Variants in OTULIN observed in about 807,000 individuals in gnomAD.
The protein encoded by OTULIN is OTU deubiquitinase with linear linkage specificity, also known as ubiquitin thioesterase otulin.
Under a neutral mutation model 39.6 loss-of-function variants are expected in OTULIN, and 15 were observed. That is an observed-to-expected ratio of 0.38 (90% CI 0.25 to 0.58). The LOEUF (loss-of-function observed/expected upper bound fraction) is 0.58, where lower values mean the gene tolerates loss of function less well. OTULIN is among the 20% of genes least tolerant of loss of function. OTULIN has a pLI of 0.66. For synonymous variants in OTULIN, 156 were observed against 170.3 expected, an observed-to-expected ratio of 0.92 and a Z score of 0.65; for missense variants, 319 against 445.9, an observed-to-expected ratio of 0.72 and a Z score of 2.56.
chr5:14,668,602 A>G (rs931566389), intron 1 of OTULIN, among the ~76,000 whole-genome samples: 27 of 152,238 alleles, frequency 1.8e-4, no homozygotes, highest in African/African-American at 4.8e-5. Context: ...TTAGTCTCAT[A>G]GGAGAGGCTA....
At chr5:14,703,324 CAAAAAAAAAAAAAAAAAAAAAAAAAA>C (rs59779015), downstream of OTULIN, among the ~76,000 whole-genome samples, 3 of 122,118 alleles carry the variant, frequency 2.5e-5, no homozygotes, top group East Asian at 2.5e-4. Context: ...TTAATAGTGT[CAAAAAAAAAAAAAAAAAAAAAAAAAA>C]AAAAAAAAAA....
At chr5:14,665,143 G>C (rs149274170) in intron 1 of OTULIN, among the ~76,000 whole-genome samples, 166 bp downstream of exon 1, 517 of 152,288 alleles carry the variant, frequency 3.4e-3, no homozygotes, top group African/African-American at 0.012. Context: ...CCCAGTGTCC[G>C]AGTGCAGATT....
At chr5:14,701,528 C>T (rs145784138), downstream of OTULIN, among the ~76,000 whole-genome samples, 33 of 152,324 alleles carry the variant, frequency 2.2e-4, no homozygotes, top group South Asian at 6.6e-3. Context: ...CCATTTCAAG[C>T]TTTGAGTATT....
rs748966024 is a variant in OTULIN at position 14,690,263 on chromosome 5, G to C, written c.819G>C (p.Leu273=). The C allele has an allele frequency of 2.5e-6, 4 of 1,614,182 alleles. No individual in the cohort carries two copies. In the Admixed American group the frequency reaches 6.7e-5, roughly 27 times the overall value. Residue 273 remains leucine (L), a synonymous_variant, in exon 6 of 7, where the codon CTG becomes CTC. Coordinates refer to ENST00000284274, the MANE Select transcript of OTULIN (RefSeq NM_138348.6). The surrounding 1 kb of genome is among the most constrained non-coding windows in gnomAD (Gnocchi z 4.5). ...RDTSNDPGQL[L]RNHLNQVGHT... The stretch of plus-strand genomic sequence containing the variant: ...CATCAAATGACCCAGGACAGCTTCT[G>C]AGGAACCACCTCAACCAGGTGGGAC...
At chr5:14,670,519 C>T (rs1220641491) in intron 1 of OTULIN, among the ~76,000 whole-genome samples, 3 of 152,158 alleles carry the variant, frequency 2.0e-5, no homozygotes, top group Non-Finnish European at 2.9e-5. Context: ...ATTCTGCCTG[C>T]GAAATGTCCT....
chr5:14,678,044 G>A lies in OTULIN; in HGVS notation c.230-637G>A, dbSNP rs147357830. Among the ~76,000 whole-genome samples, 416 of 152,332 alleles carry A rather than the reference G, an allele frequency of 2.7e-3. 3 individuals are homozygous for A. The highest frequency in any genetic ancestry group is 3.2e-3 in the Non-Finnish European group (220 of 68,028). On this transcript the variant is annotated intron_variant, in intron 2 of 6. Coordinates refer to ENST00000284274, the MANE Select transcript of OTULIN (RefSeq NM_138348.6). ...TGTTTTACTGTATTTTTGTATGGGT[G>A]TGTGTGGGGGGTGGTGGGTGAGTGG...
At chr5:14,701,877 G>A (rs1330708468), downstream of OTULIN, among the ~76,000 whole-genome samples, 2 of 152,348 alleles carry the variant, frequency 1.3e-5, no homozygotes, top group Admixed American at 6.5e-5. Flanking sequence ...GACCTGCCGG[G>A]CAAAGCAGGG....
At chr5:14,711,947 C>T in the OTULIN span, among the ~76,000 whole-genome samples, 336 of 152,364 alleles carry the variant, frequency 2.2e-3, 3 homozygotes, top group Non-Finnish European at 4.1e-3. Context: ...CTCTGTCTGC[C>T]AACCCCGCTG....
At chr5:14,712,251 G>A in the OTULIN span, among the ~76,000 whole-genome samples, 1 of 152,214 alleles carries the variant, frequency 6.6e-6, no homozygotes, top group Non-Finnish European at 1.5e-5. Flanking sequence ...TGGCCTGGCC[G>A]TCACTCTGCT....
intron 1 of OTULIN, among the ~76,000 whole-genome samples, chr5:14,671,692 A>G (rs1401508231): frequency 6.6e-6 from 1 of 152,208 alleles, no homozygotes; most frequent in Non-Finnish European, 1.5e-5. Context: ...AAGCACATGG[A>G]AAGTACCTTT....
the OTULIN span, chr5:14,713,744 C>G: frequency 1.2e-6 from 2 of 1,603,942 alleles, no homozygotes; most frequent in Non-Finnish European, 1.7e-6. This position sits in a 1 kb window ranked among gnomAD's most constrained non-coding sequence, Gnocchi z 4.4. Context: ...ACCAGGGCAG[C>G]ACATCCGAGA....
In OTULIN at chr5:14,694,648, T is replaced by C. The variant is rs1372565224; in HGVS notation, c.*1600T>C. On this transcript the variant is annotated 3_prime_UTR_variant, in exon 7 of 7. Coordinates refer to ENST00000284274, the MANE Select transcript of OTULIN (RefSeq NM_138348.6). ...CACAAAACTATTCAGACTGTTACTT[T>C]AGCTTTCTCCCATTACCTCATCAGT... The C allele has an allele frequency of 1.3e-5, 2 of 152,682 alleles. No individual in the cohort carries two copies. The highest frequency in any genetic ancestry group is 2.9e-5 in the Non-Finnish European group (2 of 68,040). 9.5% of individuals were successfully genotyped at this position (152,682 alleles called of 1,614,324 possible).
rs1029983780 is a variant in OTULIN, at chr5:14,697,806, A to G, written c.*4758A>G. 6.6e-6 allele frequency: 1 copy of G among 152,164 alleles called. No individual in the cohort carries two copies. Among genetic ancestry groups the G allele is most frequent in the Non-Finnish European group, 1.5e-5 (1 of 68,046 alleles). 9.4% of individuals were successfully genotyped at this position (152,164 alleles called of 1,614,324 possible). A position where few individuals can be genotyped will look rare whatever the true frequency, so the allele number is the denominator to read the frequency against. ...AAACTGCCAAAACATCGATCAGTAC[A>G]AGGAAGGGACACAGGGCTTAAAATG... On this transcript the variant is annotated 3_prime_UTR_variant, in exon 7 of 7. Coordinates refer to ENST00000284274, the MANE Select transcript of OTULIN (RefSeq NM_138348.6).
rs1370141343 is a variant in OTULIN, at chr5:14,697,678, G to A, written c.*4630G>A. On this transcript the variant is annotated 3_prime_UTR_variant, in exon 7 of 7. Transcript: ENST00000284274. Reference sequence around the variant, plus strand: ...ATGGCCACCAGTTTGTTTAAGCATTGTGAATGCTTTTTAATAGCATTCATT... The same window carrying A: ...ATGGCCACCAGTTTGTTTAAGCATTATGAATGCTTTTTAATAGCATTCATT... 1.3e-5 allele frequency: 2 copies of A among 152,144 alleles called. No homozygotes were observed. The highest frequency in any genetic ancestry group is 2.4e-5 in the African/African-American group (1 of 41,422). 9.4% of individuals were successfully genotyped at this position (152,144 alleles called of 1,614,324 possible).
chr5:14,693,153 A>T lies in OTULIN; in HGVS notation c.*105A>T, dbSNP rs1561003656. On this transcript the variant is annotated 3_prime_UTR_variant, in exon 7 of 7. Transcript: ENST00000284274. ...TCTCTAAGAACAATCTCTGAGAAGA[A>T]CCCTTGGGCCCCTGGGAGCCAAGTT... is the stretch of plus-strand genomic sequence containing the variant. 3.3e-5 allele frequency: 38 copies of T among 1,152,538 alleles called. No homozygotes were observed. The highest frequency in any genetic ancestry group is 4.8e-6 in the Non-Finnish European group (4 of 828,794). The allele number at this position is 1,152,538 out of a possible 1,614,324, so 71.4% of individuals were successfully genotyped here. A position where few individuals can be genotyped will look rare whatever the true frequency, so the allele number is the denominator to read the frequency against.
the OTULIN span, chr5:14,710,302 G>C: frequency 6.6e-6 from 1 of 152,360 alleles, no homozygotes; most frequent in South Asian, 2.1e-4. Context: ...AAGTTAGGAT[G>C]CTCCATGTGA....
At chr5:14,673,603 A>C in intron 1 of OTULIN, 39 bp from the exon 2 acceptor site, 4 of 1,594,012 alleles carry the variant, frequency 2.5e-6, no homozygotes, top group Non-Finnish European at 3.4e-6. Context: ...ATGTCAGTGC[A>C]ACAAGTGTTT....
At chr5:14,673,550 A>G (rs1429749495) in intron 1 of OTULIN, 92 bp from the exon 2 acceptor site, 1 of 1,001,502 alleles carries the variant, frequency 1.0e-6, no homozygotes, top group African/African-American at 1.6e-5. Flanking sequence ...TTAAACCCTT[A>G]GTATATTATG....
rs760782191 is a variant in OTULIN at position 14,696,707 on chromosome 5, G to A, written c.*3659G>A. The A allele has an allele frequency of 3.3e-5, 5 of 151,938 alleles. No individual in the cohort carries two copies. Among genetic ancestry groups the A allele is most frequent in the South Asian group, 2.1e-4 (1 of 4,824 alleles). 9.4% of individuals were successfully genotyped at this position (151,938 alleles called of 1,614,324 possible). On this transcript the variant is annotated 3_prime_UTR_variant, in exon 7 of 7. Coordinates refer to ENST00000284274, the MANE Select transcript of OTULIN (RefSeq NM_138348.6). ...AATCTGAATGAATGGAAGGCCTTAC[G>A]TGTATACAGTTTACAAATTCCTATT...
Sources: allele counts gnomAD v4.1 joint callset (sites outside exome capture counted in the v4.1 genomes callset), GRCh38; gene constraint gnomAD v4.1.1; non-coding constraint Gnocchi (gnomAD v3.1); transcripts MANE v1.5; gene names NCBI Gene and HGNC (gene_info 2026-07-23, HGNC 2026-07-21).